The following AFF2 variants were observed in gnomAD, a reference collection of about 807,000 sequenced individuals.
AFF2 encodes ALF transcription elongation factor 2, also known as AF4/FMR2 family member 2.
Under a neutral mutation model 76.9 loss-of-function variants are expected in AFF2, and 14 were observed. That is an observed-to-expected ratio of 0.18 (90% CI 0.12 to 0.28). The LOEUF is 0.28. AFF2 is among the 10% of genes least tolerant of loss of function. The pLI is 1.00. For missense variants in AFF2, 868 were observed against 1,001.1 expected (o/e 0.87, Z 1.79); for synonymous variants, 398 against 366.7 (o/e 1.09, Z -0.98).
intron 1 of AFF2, among the ~76,000 whole-genome samples, chrX:148,645,940 A>G (rs1447651444): frequency 8.9e-6 from 1 of 112,094 alleles, no homozygotes; most frequent in Non-Finnish European, 1.9e-5. Flanking sequence ...ACAGTGGAAT[A>G]TTATTTAACT....
intron 9 of AFF2, among the ~76,000 whole-genome samples, chrX:148,911,103 G>GTA (rs1557281922): frequency 4.6e-5 from 5 of 109,873 alleles, no homozygotes; most frequent in African/African-American, 1.3e-4. Flanking sequence ...ATGTGTATGT[G>GTA]TGTGTGTGTG....
chrX:148,675,316 A>G (rs1469654286), intron 3 of AFF2, among the ~76,000 whole-genome samples: 2 of 111,463 alleles, frequency 1.8e-5, no homozygotes, highest in Non-Finnish European at 3.8e-5. Flanking sequence ...CTTAGATGTA[A>G]TGAACTGCAT....
At chrX:148,572,712 A>G (rs2053243159) in intron 1 of AFF2, among the ~76,000 whole-genome samples, 1 of 111,843 alleles carries the variant, frequency 8.9e-6, no homozygotes, top group African/African-American at 3.3e-5. Context: ...TAAAATACAC[A>G]TAATAGGCAA....
intron 3 of AFF2, among the ~76,000 whole-genome samples, chrX:148,709,815 T>TTGTC (rs1227077457): frequency 8.9e-6 from 1 of 112,044 alleles, no homozygotes; most frequent in African/African-American, 3.2e-5. Context: ...CTCGCTTCAA[T>TTGTC]TGTCTGTCCT....
Position 148,953,661 on chromosome X carries a change from CTCT to C in AFF2, c.1480_1482del (p.Ser494del), listed in dbSNP as rs782771317. ...GCAGCTCCAGCGAATCGGAGAGCAG[CTCT>C]GAGTCGGATTCAGACACTGAAAGTA... On this transcript the variant is annotated inframe_deletion, in exon 10 of 21. Coordinates refer to ENST00000370460, the MANE Select transcript of AFF2 (RefSeq NM_002025.4). 14 of 1,211,523 alleles carry C rather than the reference CTCT, an allele frequency of 1.2e-5. No individual in the cohort carries two copies. In the South Asian group the frequency reaches 2.5e-4, roughly 21 times the overall value.
At chrX:148,794,677 T>C (rs2069943749) in intron 3 of AFF2, among the ~76,000 whole-genome samples, 1 of 111,914 alleles carries the variant, frequency 8.9e-6, no homozygotes, top group Non-Finnish European at 1.9e-5. Context: ...AGACTATCAG[T>C]ATTTTGCCTT....
intron 1 of AFF2, among the ~76,000 whole-genome samples, chrX:148,638,027 C>T (rs1235199256): frequency 9.0e-6 from 1 of 110,767 alleles, no homozygotes; most frequent in Admixed American, 9.6e-5. Flanking sequence ...GGTCTTTCCA[C>T]CACATGACCT....
At chrX:148,575,747 T>A (rs2124334954) in intron 1 of AFF2, among the ~76,000 whole-genome samples, 1 of 110,518 alleles carries the variant, frequency 9.0e-6, no homozygotes, top group East Asian at 2.8e-4. Flanking sequence ...CCCATTGCAA[T>A]AGCCATCTCT....
chrX:148,982,717 G>GA (rs60378109), intron 19 of AFF2, among the ~76,000 whole-genome samples: 2,692 of 111,548 alleles, frequency 0.024, 64 homozygotes, highest in South Asian at 0.077. Context: ...AGACATTCAG[G>GA]AACTGCTTCC....
At chrX:148,688,090 T>C (rs2054616530) in intron 3 of AFF2, among the ~76,000 whole-genome samples, 1 of 111,352 alleles carries the variant, frequency 9.0e-6, no homozygotes, top group Non-Finnish European at 1.9e-5. Context: ...CTTCCTCATT[T>C]ACTTTGAAAC....
chrX:148,868,939 G>A (rs782201525), intron 7 of AFF2, among the ~76,000 whole-genome samples: 1 of 112,421 alleles, frequency 8.9e-6, no homozygotes, highest in Non-Finnish European at 1.9e-5. Context: ...ACCTCCTAAA[G>A]GGTCCACCTT....
chrX:148,775,436 G>A (rs949168506), intron 3 of AFF2, among the ~76,000 whole-genome samples: 2 of 111,901 alleles, frequency 1.8e-5, no homozygotes, highest in Non-Finnish European at 3.8e-5. Flanking sequence ...GGTAGGCATG[G>A]TTAGCCCCAT....
intron 3 of AFF2, among the ~76,000 whole-genome samples, chrX:148,761,041 C>G (rs2069433431): frequency 8.9e-6 from 1 of 111,759 alleles, no homozygotes; most frequent in African/African-American, 3.3e-5. Flanking sequence ...TTTAAGAACA[C>G]TATTCCTATG....
intron 9 of AFF2, among the ~76,000 whole-genome samples, chrX:148,909,002 C>T: frequency 8.9e-6 from 1 of 111,742 alleles, no homozygotes; most frequent in Non-Finnish European, 1.9e-5. Flanking sequence ...TTTGTGGACT[C>T]CTGCTCTAGT....
In AFF2 at chrX:148,960,512, C is replaced by A. The variant is rs1002023331; in HGVS notation, c.2690+2054C>A. ...AGAAAGAGCCTCAATTAGTTTCTTACGCCCATCAAACAGATGAGTTTTCTC... is the reference window on the plus strand; with the variant it reads ...AGAAAGAGCCTCAATTAGTTTCTTAAGCCCATCAAACAGATGAGTTTTCTC... On this transcript the variant is annotated intron_variant, in intron 12 of 20. Coordinates refer to ENST00000370460, the MANE Select transcript of AFF2 (RefSeq NM_002025.4). Among the ~76,000 whole-genome samples, 54 of 112,395 alleles carry A rather than the reference C, an allele frequency of 4.8e-4. 1 individual carries two copies. The highest frequency in any genetic ancestry group is 2.8e-3 in the Admixed American group (30 of 10,686).
Position 148,640,048 on chromosome X carries a change from C to G in AFF2, c.48-11951C>G, listed in dbSNP as rs576881149. Among the ~76,000 whole-genome samples, 12 of 112,528 alleles carry G rather than the reference C, an allele frequency of 1.1e-4. No homozygotes were observed. The South Asian group carries it at 4.4e-3, about 41-fold the overall frequency. ...GCAAGGCATTGTCCATTTTTATTCA[C>G]TGTTCTTCAGAGAGCAAATGCAAAG... On this transcript the variant is annotated intron_variant, in intron 1 of 20. Coordinates refer to ENST00000370460, the MANE Select transcript of AFF2 (RefSeq NM_002025.4).
chrX:148,947,577 G>T (rs782618629), intron 9 of AFF2, among the ~76,000 whole-genome samples: 75 of 111,761 alleles, frequency 6.7e-4, no homozygotes, highest in Admixed American at 1.8e-3. Flanking sequence ...GGAGATGGGG[G>T]AAGATTTCAA....
At chrX:148,909,208 A>G (rs2071442743) in intron 9 of AFF2, among the ~76,000 whole-genome samples, 1 of 112,355 alleles carries the variant, frequency 8.9e-6, no homozygotes, top group African/African-American at 3.2e-5. Flanking sequence ...TTTGAAAATC[A>G]TATGGATATG....
intron 4 of AFF2, among the ~76,000 whole-genome samples, chrX:148,818,970 T>A (rs1203814828): frequency 2.7e-5 from 3 of 111,120 alleles, no homozygotes; most frequent in Admixed American, 9.6e-5. Context: ...GAATTGGAAC[T>A]CATGTTGGCC....
Sources: gnomAD v4.1 joint callset for allele counts (sites outside exome capture counted in the v4.1 genomes callset) on GRCh38, gnomAD v4.1.1 for gene constraint, MANE v1.5 for transcripts, NCBI Gene and HGNC (gene_info 2026-07-23, HGNC 2026-07-21) for gene names.